Variants in CDH18 observed in about 807,000 individuals in gnomAD.
CDH18 encodes cadherin-18.
CDH18 carries 31 observed loss-of-function variants against 67.9 expected under a neutral mutation model. The observed-to-expected ratio is 0.46, with a 90% CI of 0.34 to 0.62. The LOEUF (loss-of-function observed/expected upper bound fraction) is 0.62, where lower values mean the gene tolerates loss of function less well. Among genes scored for constraint, CDH18 ranks in the 20% least tolerant of loss-of-function variants. The probability of loss-of-function intolerance (pLI) is 0.01; values close to 1 mark genes in which losing one functional copy is unlikely to be tolerated. For missense variants in CDH18, 890 were observed against 975.5 expected, an observed-to-expected ratio of 0.91 and a Z score of 1.17; for synonymous variants, 362 against 347.2, an observed-to-expected ratio of 1.04 and a Z score of -0.48.
Position 19,975,355 on chromosome 5 carries a change from T to C in CDH18, c.-257+5705A>G, listed in dbSNP as rs180786315. On this transcript the variant is annotated intron_variant, in intron 2 of 12. Coordinates refer to ENST00000382275, the MANE Select transcript of CDH18 (RefSeq NM_004934.5). ...CTGTAATTTTCTTAGGTAGTGATTTTTAAATAAAATTCAATATGTTGGGAA... is the reference window on the plus strand; with the variant it reads ...CTGTAATTTTCTTAGGTAGTGATTTCTAAATAAAATTCAATATGTTGGGAA... Among the ~76,000 whole-genome samples, 473 of 152,190 alleles carry C rather than the reference T, an allele frequency of 3.1e-3. 1 individual carries two copies. Among genetic ancestry groups the C allele is most frequent in the Non-Finnish European group, 4.4e-3 (298 of 67,996 alleles).
intron 1 of CDH18, among the ~76,000 whole-genome samples, chr5:20,354,045 G>T (rs900403502): frequency 6.6e-6 from 1 of 152,150 alleles, no homozygotes; most frequent in East Asian, 1.9e-4. Flanking sequence ...TAAAGAAAGT[G>T]TAACTACAAT....
At chr5:20,069,584 TG>T (rs1436546196) in intron 2 of CDH18, among the ~76,000 whole-genome samples, 1 of 151,954 alleles carries the variant, frequency 6.6e-6, no homozygotes, top group African/African-American at 2.4e-5. Context: ...AGCTACTTTT[TG>T]TATTTTTAGT....
chr5:19,832,334 C>T (rs138493937), intron 3 of CDH18, among the ~76,000 whole-genome samples: 5 of 151,720 alleles, frequency 3.3e-5, no homozygotes, highest in African/African-American at 9.7e-5. Flanking sequence ...AAATTTCAAT[C>T]GAGTTCAAAG....
At position 19,917,761 on chromosome 5, in the gene CDH18, C is replaced by T. The variant is rs190671598; in HGVS notation, c.-257+63299G>A. Among the ~76,000 whole-genome samples, 9 of 152,224 alleles carry T rather than the reference C, an allele frequency of 5.9e-5. No individual in the cohort carries two copies. In the East Asian group the frequency reaches 1.5e-3, roughly 26 times the overall value. ...ATTTATTGTCACACTTCCTCAGTAACTCGAAGAGTGTTTTGAAAGTTGATA... is the reference window on the plus strand; with the variant it reads ...ATTTATTGTCACACTTCCTCAGTAATTCGAAGAGTGTTTTGAAAGTTGATA... On this transcript the variant is annotated intron_variant, in intron 2 of 12. Transcript: ENST00000382275.
chr5:20,000,517 A>C (rs904564370), intron 2 of CDH18, among the ~76,000 whole-genome samples: 1 of 152,174 alleles, frequency 6.6e-6, no homozygotes, highest in African/African-American at 2.4e-5. Flanking sequence ...TCTGGTTAGA[A>C]ACATAATAGT....
At position 20,381,573 on chromosome 5, in the gene CDH18, CA is replaced by C. The variant is rs1743910959; in HGVS notation, c.-579-126069del. ...TTCCTACCCCCTAAAACAAGGAAGG[CA>C]TTGATTTTAACTTGCTTTTCTGTGT... On this transcript the variant is annotated intron_variant, in intron 1 of 14. Coordinates refer to the CDH18 transcript ENST00000507958. Among the ~76,000 whole-genome samples, 7 of 152,208 alleles carry C rather than the reference CA, an allele frequency of 4.6e-5. No homozygotes were observed. The South Asian group carries it at 1.4e-3, about 32-fold the overall frequency.
intron 2 of CDH18, among the ~76,000 whole-genome samples, chr5:20,252,379 C>T (rs187935929): frequency 1.3e-4 from 19 of 151,324 alleles, no homozygotes; most frequent in African/African-American, 4.4e-4. Context: ...AAAAAAAAAT[C>T]ACTCATCAAA....
chr5:20,171,046 T>A (rs528942999), intron 2 of CDH18, among the ~76,000 whole-genome samples: 1 of 107,366 alleles, frequency 9.3e-6, no homozygotes, highest in African/African-American at 3.1e-5. Flanking sequence ...CTCCTTTTTT[T>A]TTTATATATA....
At chr5:19,658,777 T>C (rs1235124408) in intron 5 of CDH18, among the ~76,000 whole-genome samples, 1 of 152,004 alleles carries the variant, frequency 6.6e-6, no homozygotes, top group Non-Finnish European at 1.5e-5. Flanking sequence ...ACATTAGGTA[T>C]ATCTCCTAAT....
intron 2 of CDH18, among the ~76,000 whole-genome samples, chr5:20,125,490 A>C (rs1315074059): frequency 6.6e-6 from 1 of 152,160 alleles, no homozygotes; most frequent in Non-Finnish European, 1.5e-5. Flanking sequence ...GTTTTTCTAC[A>C]ATTTCCCTCT....
chr5:20,391,038 G>A (rs910052644), intron 1 of CDH18, among the ~76,000 whole-genome samples: 4 of 152,048 alleles, frequency 2.6e-5, no homozygotes, highest in African/African-American at 9.7e-5. Context: ...AATGCTAAAT[G>A]ATGAGTTACT....
rs1425932710 is a variant in CDH18, at chr5:20,555,722, A to G, written c.-580+19740T>C. On this transcript the variant is annotated intron_variant, in intron 1 of 14. Coordinates refer to the CDH18 transcript ENST00000507958. ...TTAGTTACAAAGCATTAAACAACTG[A>G]GACAGAGTTTCAAATCACCCCTGCT... Among the ~76,000 whole-genome samples the G allele has an allele frequency of 2.0e-5, 3 of 150,318 alleles. No homozygotes were observed. The East Asian group carries it at 5.8e-4, about 29-fold the overall frequency.
At chr5:20,385,131 C>G (rs755317100) in intron 1 of CDH18, among the ~76,000 whole-genome samples, 1 of 152,182 alleles carries the variant, frequency 6.6e-6, no homozygotes, top group Non-Finnish European at 1.5e-5. Context: ...GCCACCACAC[C>G]TGGCCTTGTT....
rs539502250 is a variant in CDH18, at chr5:20,149,456, C to T, written c.-518+105988G>A. On this transcript the variant is annotated intron_variant, in intron 2 of 14. Coordinates refer to the CDH18 transcript ENST00000507958. ...TTTTTCTCTTTCTAAGGAGTGATAT[C>T]GGACAGGGTAGTGAAGGGAGTCATG... Among the ~76,000 whole-genome samples the T allele has an allele frequency of 4.6e-5, 7 of 152,088 alleles. 1 individual carries two copies. In the East Asian group the frequency reaches 5.8e-4, roughly 13 times the overall value.
chr5:19,577,664 G>A (rs997784941), intron 7 of CDH18, among the ~76,000 whole-genome samples: 3 of 152,176 alleles, frequency 2.0e-5, no homozygotes, highest in Non-Finnish European at 4.4e-5. Context: ...AAACAGATAA[G>A]ATTTTGGACT....
At chr5:20,413,856 C>T (rs1562045985) in intron 1 of CDH18, among the ~76,000 whole-genome samples, 1 of 152,064 alleles carries the variant, frequency 6.6e-6, no homozygotes, top group Admixed American at 6.6e-5. Flanking sequence ...GTTGCCATTG[C>T]TTTTGGTGTT....
intron 5 of CDH18, among the ~76,000 whole-genome samples, chr5:19,692,582 A>G (rs1762041790): frequency 6.6e-6 from 1 of 152,012 alleles, no homozygotes; most frequent in Non-Finnish European, 1.5e-5. Context: ...AGAAAAATAT[A>G]CATTTCTAAT....
At chr5:20,120,086 A>C (rs940679221) in intron 2 of CDH18, among the ~76,000 whole-genome samples, 1 of 152,126 alleles carries the variant, frequency 6.6e-6, no homozygotes. Context: ...AAGACTTCCT[A>C]CTTTGAATGG....
At chr5:19,740,856 G>T (rs1036773721) in intron 4 of CDH18, among the ~76,000 whole-genome samples, 1 of 151,964 alleles carries the variant, frequency 6.6e-6, no homozygotes. Context: ...TATAGAGAAA[G>T]AAATTGAAGA....
Sources: allele counts gnomAD v4.1 joint callset (sites outside exome capture counted in the v4.1 genomes callset), GRCh38; gene constraint gnomAD v4.1.1; transcripts MANE v1.5; gene names NCBI Gene and HGNC (gene_info 2026-07-23, HGNC 2026-07-21).